ZBTB8OS: variants seen among roughly 807,000 people sequenced by gnomAD.
ZBTB8OS encodes the protein tRNA splicing ligase complex subunit 1.
A neutral mutation model predicts 29.3 loss-of-function variants in ZBTB8OS; 16 were observed. The ratio of observed to expected loss-of-function variants is 0.55; its 90% CI spans 0.37 to 0.83. The LOEUF is 0.83. Among genes scored for constraint, ZBTB8OS ranks in the 40% least tolerant of loss-of-function variants. ZBTB8OS has a pLI of 0.00. For synonymous variants in ZBTB8OS, 70 were observed against 64.6 expected, an observed-to-expected ratio of 1.08 and a Z score of -0.40; for missense variants, 160 against 196.9, an observed-to-expected ratio of 0.81 and a Z score of 1.12.
chr1:32,631,739 G>T, intron 5 of ZBTB8OS, 88 bp downstream of exon 5: 1 of 1,042,886 alleles, frequency 9.6e-7, no homozygotes, highest in Non-Finnish European at 1.4e-6. Context: ...GTGGCCCTCT[G>T]ATTTATGTTT....
intron 1 of ZBTB8OS, among the ~76,000 whole-genome samples, chr1:32,647,892 C>G (rs1425516462): frequency 6.6e-6 from 1 of 152,110 alleles, no homozygotes; most frequent in African/African-American, 2.4e-5. Context: ...CATCCTGAAA[C>G]CATCCTCCCC....
At chr1:32,634,921 A>G in intron 1 of ZBTB8OS, 129 bp from the exon 2 acceptor site, 1 of 749,666 alleles carries the variant, frequency 1.3e-6, no homozygotes, top group South Asian at 1.4e-5. Context: ...GGGCCAGTCC[A>G]TCCACACCTT....
intron 5 of ZBTB8OS, among the ~76,000 whole-genome samples, chr1:32,631,055 T>C (rs1329838374): frequency 6.6e-6 from 1 of 151,298 alleles, no homozygotes. Flanking sequence ...AAAAGCTATA[T>C]GTAAAAGTAA....
intron 2 of ZBTB8OS, 182 bp downstream of exon 2, chr1:32,634,586 G>A: frequency 1.5e-6 from 1 of 683,072 alleles, no homozygotes; most frequent in Non-Finnish European, 2.6e-6. Flanking sequence ...GGGGTGCAGT[G>A]GTGCAATCTC....
At chr1:32,627,438 A>AG in intron 6 of ZBTB8OS, 70 bp downstream of exon 6, 1 of 1,381,254 alleles carries the variant, frequency 7.2e-7, no homozygotes, top group Non-Finnish European at 1.0e-6. Context: ...ACTGAAGTTG[A>AG]TTGTCACATA....
chr1:32,640,617 T>C (rs1646320428), intron 1 of ZBTB8OS, among the ~76,000 whole-genome samples: 1 of 152,092 alleles, frequency 6.6e-6, no homozygotes, highest in South Asian at 2.1e-4. Flanking sequence ...AAGGTCCAAG[T>C]GATACTTCTG....
chr1:32,642,895 G>A (rs1007982872), intron 1 of ZBTB8OS, among the ~76,000 whole-genome samples: 41 of 134,568 alleles, frequency 3.0e-4, no homozygotes, highest in African/African-American at 1.1e-3. Flanking sequence ...CTCAGCCTCC[G>A]GAGTAGCTGG....
chr1:32,641,857 G>A (rs764972228), intron 1 of ZBTB8OS, among the ~76,000 whole-genome samples: 19 of 152,034 alleles, frequency 1.2e-4, no homozygotes, highest in Non-Finnish European at 2.8e-4. Flanking sequence ...GGAGACGGAG[G>A]TTGCAGTGAG....
intron 1 of ZBTB8OS, among the ~76,000 whole-genome samples, chr1:32,636,343 T>A (rs1645952472): frequency 1.3e-5 from 2 of 152,218 alleles, no homozygotes; most frequent in South Asian, 4.1e-4. Context: ...TCTTGATGAA[T>A]CGGCTTTGTC....
intron 1 of ZBTB8OS, among the ~76,000 whole-genome samples, chr1:32,648,955 C>T (rs1647062580): frequency 7.2e-6 from 1 of 139,430 alleles, no homozygotes; most frequent in Non-Finnish European, 1.5e-5. Flanking sequence ...TGAGCCACAG[C>T]ACCAGGCCTT....
intron 5 of ZBTB8OS, among the ~76,000 whole-genome samples, chr1:32,629,749 CTTTTTTTTTTTTTT>C (rs869185319): frequency 3.5e-5 from 4 of 114,136 alleles, no homozygotes; most frequent in African/African-American, 1.3e-4. Context: ...ATGCTTGTTT[CTTTTTTTTTTTTTT>C]TTTTTTTTGA....
In ZBTB8OS at chr1:32,633,647, G is replaced by A; in HGVS notation, c.325C>T (p.Arg109Trp). 18 of 1,596,098 alleles carry A rather than the reference G, an allele frequency of 1.1e-5. No individual in the cohort carries two copies. The highest frequency in any genetic ancestry group is 1.5e-5 in the Non-Finnish European group (18 of 1,174,766). Residue 109 changes from arginine (R) to tryptophan (W), a missense_variant and splice_region_variant, in exon 4 of 7, where the codon CGG (arginine) becomes TGG (tryptophan). By Grantham distance (101) the Arg-to-Trp change is moderately radical. Coordinates refer to ENST00000468695, the MANE Select transcript of ZBTB8OS (RefSeq NM_178547.5). The part of the protein sequence containing the change: ...KFSADEFFIP[R>W]EVKVLSIDQR... The stretch of plus-strand genomic sequence containing the variant: ...AAAAAAGAAAAACCTTTGCTTACCC[G>A]GGGTATGAAGAATTCATCAGCACTG...
chr1:32,622,242 T>A (rs1484457394), intron 6 of ZBTB8OS, among the ~76,000 whole-genome samples: 1 of 152,106 alleles, frequency 6.6e-6, no homozygotes, highest in Non-Finnish European at 1.5e-5. Context: ...ATTTATAAAA[T>A]GGGTTAAATC....
intron 6 of ZBTB8OS, among the ~76,000 whole-genome samples, chr1:32,625,987 C>T (rs1368552737): frequency 6.6e-6 from 1 of 151,922 alleles, no homozygotes; most frequent in Non-Finnish European, 1.5e-5. Flanking sequence ...ATTCTCCTGC[C>T]TCAGCCTCCC....
intron 1 of ZBTB8OS, among the ~76,000 whole-genome samples, chr1:32,646,692 C>A (rs114508587): frequency 1.3e-5 from 2 of 151,406 alleles, no homozygotes; most frequent in South Asian, 4.2e-4. Context: ...ATTTTAAAAT[C>A]TCAGTGGACA....
chr1:32,633,921 C>T (rs1645757818), intron 3 of ZBTB8OS, 30 bp downstream of exon 3: 2 of 1,545,068 alleles, frequency 1.3e-6, no homozygotes, highest in South Asian at 1.3e-5. Context: ...TACTGTATAA[C>T]AATTTCTTCC....
chr1:32,646,574 G>A (rs1646852242), intron 1 of ZBTB8OS, among the ~76,000 whole-genome samples: 1 of 151,146 alleles, frequency 6.6e-6, no homozygotes, highest in South Asian at 2.1e-4. Flanking sequence ...ATTTTTAGTA[G>A]AGACAGGGTT....
chr1:32,650,604 G>A (rs1647393499), upstream of ZBTB8OS: 1 of 1,612,030 alleles, frequency 6.2e-7, no homozygotes, highest in African/African-American at 1.3e-5. Flanking sequence ...TTCCGCTCTA[G>A]ACTCCGCCCC....
rs190455136 is a variant in ZBTB8OS, at chr1:32,643,152, C to A, written c.97+7281G>T. Reference sequence around the variant, plus strand: ...ATGGCACGATCTCCGCTCACTGCAACCTCTGCCTCCCAGGTTCAAGCGATT... The same window carrying A: ...ATGGCACGATCTCCGCTCACTGCAAACTCTGCCTCCCAGGTTCAAGCGATT... On this transcript the variant is annotated intron_variant, in intron 1 of 6. Transcript: ENST00000468695. Among the ~76,000 whole-genome samples, 3 of 146,412 alleles carry A rather than the reference C, an allele frequency of 2.0e-5. No homozygotes were observed. In the East Asian group the frequency reaches 6.5e-4, roughly 32 times the overall value.
Sources: allele counts gnomAD v4.1 joint callset (sites outside exome capture counted in the v4.1 genomes callset), GRCh38; gene constraint gnomAD v4.1.1; transcripts MANE v1.5; gene names NCBI Gene and HGNC (gene_info 2026-07-23, HGNC 2026-07-21).